PIK3AP1: variants seen among roughly 807,000 people sequenced by gnomAD.
PIK3AP1 encodes phosphoinositide-3-kinase adaptor protein 1, also known as phosphoinositide 3-kinase adapter protein 1.
A neutral mutation model predicts 88.1 loss-of-function variants in PIK3AP1; 21 were observed. That is an observed-to-expected ratio of 0.24 (90% CI 0.17 to 0.34). PIK3AP1 has a LOEUF of 0.34. PIK3AP1 is among the 10% of genes least tolerant of loss of function. The pLI, the probability that PIK3AP1 is intolerant of heterozygous loss-of-function variation, is 1.00. For synonymous variants in PIK3AP1, 398 were observed against 400.0 expected (o/e 1.00, Z 0.06); for missense variants, 828 against 1,035.7 (o/e 0.80, Z 2.75).
At chr10:96,626,961 T>C (rs2134207533) in intron 9 of PIK3AP1, 56 bp from the exon 10 acceptor site, 1 of 1,510,322 alleles carries the variant, frequency 6.6e-7, no homozygotes, top group Non-Finnish European at 9.2e-7. Context: ...TGGGTGATCA[T>C]CAGTCATAAA....
chr10:96,623,170 A>G (rs373883764), intron 11 of PIK3AP1, among the ~76,000 whole-genome samples: 18 of 152,282 alleles, frequency 1.2e-4, no homozygotes, highest in East Asian at 1.2e-3. Flanking sequence ...GTGCCACACT[A>G]AAGTATCCTT....
chr10:96,626,880 C>A lies in PIK3AP1; in HGVS notation c.1497G>T (p.Leu499=). Residue 499 remains leucine, a synonymous_variant, in exon 10 of 17, where the codon CTG becomes CTT. Transcript: ENST00000339364. ...LEGNSMGMTN[L]ERDQCHLGQE... The stretch of plus-strand genomic sequence containing the variant: ...GACCAAGATGGCACTGATCTCTCTC[C>A]AGATTGGTCATTCCCATGCTGTTGC... 2 of 1,614,140 alleles carry A rather than the reference C, an allele frequency of 1.2e-6. No homozygotes were observed. The highest frequency in any genetic ancestry group is 1.7e-6 in the Non-Finnish European group (2 of 1,179,964).
intron 8 of PIK3AP1, among the ~76,000 whole-genome samples, chr10:96,638,717 C>T (rs1463781417): frequency 1.3e-5 from 2 of 152,180 alleles, no homozygotes; most frequent in Non-Finnish European, 2.9e-5. Flanking sequence ...GTGAGTCGCA[C>T]GCGGTAGCCC....
At chr10:96,599,494 G>C (rs182263638) in intron 16 of PIK3AP1, among the ~76,000 whole-genome samples, 39 of 152,214 alleles carry the variant, frequency 2.6e-4, no homozygotes, top group African/African-American at 8.7e-4. Context: ...GACCAGAACC[G>C]GGATGGAGTG....
chr10:96,687,190 A>G (rs1691934216), intron 2 of PIK3AP1, among the ~76,000 whole-genome samples: 1 of 134,320 alleles, frequency 7.4e-6, no homozygotes, highest in South Asian at 2.5e-4. Flanking sequence ...CGGGAGGAGG[A>G]GCTTGCAGTG....
At chr10:96,613,860 G>A (rs1849167729) in intron 13 of PIK3AP1, among the ~76,000 whole-genome samples, 1 of 152,142 alleles carries the variant, frequency 6.6e-6, no homozygotes, top group Admixed American at 6.5e-5. Context: ...CTAAGCACTG[G>A]TTATACCCCA....
chr10:96,666,269 A>G (rs1315810497), intron 2 of PIK3AP1, among the ~76,000 whole-genome samples: 1 of 152,100 alleles, frequency 6.6e-6, no homozygotes, highest in African/African-American at 2.4e-5. Flanking sequence ...AATACAAAAA[A>G]TTAGCCGGGC....
chr10:96,639,195 C>G (rs1843353367), intron 8 of PIK3AP1, among the ~76,000 whole-genome samples: 1 of 152,158 alleles, frequency 6.6e-6, no homozygotes, highest in Admixed American at 6.5e-5. Context: ...GTCTCAGTAC[C>G]ACCTATCAGG....
chr10:96,603,935 C>A (rs775023696), intron 15 of PIK3AP1, 44 bp downstream of exon 15: 1 of 1,481,518 alleles, frequency 6.7e-7, no homozygotes, highest in Non-Finnish European at 9.2e-7. Context: ...TGCGATGAAA[C>A]GACCCCTAGG....
chr10:96,712,444 T>C (rs1056022024), intron 1 of PIK3AP1, among the ~76,000 whole-genome samples: 2 of 152,180 alleles, frequency 1.3e-5, no homozygotes, highest in African/African-American at 2.4e-5. Context: ...GCACCAGTGC[T>C]GCAGCCTGCC....
At position 96,720,319 on chromosome 10, in the gene PIK3AP1, A is replaced by C; in HGVS notation, c.13+63T>G. Reference sequence around the variant, plus strand: ...AGAAGCAAGCGGGGGAGCGCGCCTCAAGGGATGCGGGGTACGAGAGAGGGG... The same window carrying C: ...AGAAGCAAGCGGGGGAGCGCGCCTCCAGGGATGCGGGGTACGAGAGAGGGG... On this transcript the variant is annotated intron_variant, in intron 1 of 16. Coordinates refer to ENST00000339364, the MANE Select transcript of PIK3AP1 (RefSeq NM_152309.3). This position sits in a 1 kb window ranked among gnomAD's most constrained non-coding sequence, Gnocchi z 4.6. 5 of 1,239,812 alleles carry C rather than the reference A, an allele frequency of 4.0e-6. No homozygotes were observed. The highest frequency in any genetic ancestry group is 5.1e-6 in the Non-Finnish European group (5 of 985,030). The allele number at this position is 1,239,812 out of a possible 1,614,324, so 76.8% of individuals were successfully genotyped here.
chr10:96,708,682 G>GT (rs758555607), intron 2 of PIK3AP1, among the ~76,000 whole-genome samples: 1 of 150,992 alleles, frequency 6.6e-6, no homozygotes, highest in African/African-American at 2.4e-5. Context: ...GTTAATCAGA[G>GT]TGTGTGTCAC....
chr10:96,657,354 C>G (rs757500595), intron 2 of PIK3AP1, among the ~76,000 whole-genome samples: 3 of 152,196 alleles, frequency 2.0e-5, no homozygotes, highest in Non-Finnish European at 4.4e-5. Context: ...AAAACCTGCA[C>G]TGTCCAGAAA....
intron 2 of PIK3AP1, among the ~76,000 whole-genome samples, chr10:96,702,626 A>C: frequency 6.6e-6 from 1 of 151,692 alleles, no homozygotes; most frequent in East Asian, 1.9e-4. Context: ...ACACACACAC[A>C]CACACACACA....
chr10:96,611,156 C>T (rs974378312), intron 13 of PIK3AP1, among the ~76,000 whole-genome samples: 3 of 152,196 alleles, frequency 2.0e-5, no homozygotes, highest in Admixed American at 6.5e-5. Flanking sequence ...GAACATTCTG[C>T]GCAGAGAATG....
chr10:96,654,717 G>T (rs1281414842), intron 3 of PIK3AP1, among the ~76,000 whole-genome samples: 1 of 152,248 alleles, frequency 6.6e-6, no homozygotes, highest in South Asian at 2.1e-4. Flanking sequence ...GAAGGAATGA[G>T]AGCCTGGAAA....
intron 2 of PIK3AP1, among the ~76,000 whole-genome samples, chr10:96,668,790 C>A (rs1843801064): frequency 6.6e-6 from 1 of 152,176 alleles, no homozygotes. Flanking sequence ...GAAGAAAGGG[C>A]TGTGTTTCCT....
chr10:96,656,401 G>A (rs990756881), intron 3 of PIK3AP1, among the ~76,000 whole-genome samples: 6 of 152,236 alleles, frequency 3.9e-5, no homozygotes, highest in African/African-American at 1.4e-4. Flanking sequence ...GCAGTGGCCA[G>A]TGATGGAGAA....
In PIK3AP1 at chr10:96,627,147, A is replaced by G. The variant is rs533746215; in HGVS notation, c.1472-242T>C. 5.3e-5 allele frequency among the ~76,000 whole-genome samples: 8 copies of G among 152,366 alleles called. No individual in the cohort carries two copies. The South Asian group carries it at 1.4e-3, about 28-fold the overall frequency. On this transcript the variant is annotated intron_variant, in intron 9 of 16. Transcript: ENST00000339364. Reference sequence around the variant, plus strand: ...TGAAAGGACATGAGCACAAGGCTTTATCATCTCTGTTTTACTGCTGGGATT... The same window carrying G: ...TGAAAGGACATGAGCACAAGGCTTTGTCATCTCTGTTTTACTGCTGGGATT...
Sources: allele counts gnomAD v4.1 joint callset (sites outside exome capture counted in the v4.1 genomes callset), GRCh38; gene constraint gnomAD v4.1.1; non-coding constraint Gnocchi (gnomAD v3.1); transcripts MANE v1.5; gene names NCBI Gene and HGNC (gene_info 2026-07-23, HGNC 2026-07-21).